Variants in CSMD1 observed in about 807,000 individuals in gnomAD.
CSMD1 encodes the protein CUB and Sushi multiple domains 1.
A neutral mutation model predicts 417.5 loss-of-function variants in CSMD1; 213 were observed. The ratio of observed to expected loss-of-function variants is 0.51; its 90% confidence interval spans 0.46 to 0.57. CSMD1 has a LOEUF of 0.57. CSMD1 is among the 20% of genes least tolerant of loss of function. CSMD1 has a pLI of 0.00. For synonymous variants in CSMD1, 2,862 were observed against 1,736.8 expected (o/e 1.65, Z -16.11); for missense variants, 6,923 against 4,529.7 (o/e 1.53, Z -15.17).
chr8:4,392,387 C>G (rs1803905173), intron 3 of CSMD1, among the ~76,000 whole-genome samples: 2 of 151,988 alleles, frequency 1.3e-5, no homozygotes, highest in Admixed American at 6.6e-5. Flanking sequence ...AGATTAAAAT[C>G]AGAGACACAA....
chr8:3,439,153 C>CAAAAAAAAAAAAAAAAAA (rs1563390140), intron 12 of CSMD1, among the ~76,000 whole-genome samples: 1 of 39,894 alleles, frequency 2.5e-5, no homozygotes, highest in Non-Finnish European at 4.2e-5. Context: ...AAAAAAAAAA[C>CAAAAAAAAAAAAAAAAAA]CAAGAAAAAA....
intron 5 of CSMD1, among the ~76,000 whole-genome samples, chr8:3,920,542 ACTTGT>A (rs1024314974): frequency 2.6e-5 from 4 of 152,096 alleles, no homozygotes; most frequent in African/African-American, 9.7e-5. Flanking sequence ...CGAGTAGGCA[ACTTGT>A]CTTGTTCTTA....
In CSMD1 at chr8:2,949,685, C is replaced by A. The variant is rs568103775; in HGVS notation, c.10315-299G>T. 5.8e-5 allele frequency among the ~76,000 whole-genome samples: 7 copies of A among 121,036 alleles called. No individual in the cohort carries two copies. The South Asian group carries it at 2.0e-3, about 34-fold the overall frequency. The allele number at this position is 121,036 out of a possible 152,430, so 79.4% of individuals were successfully genotyped here. On this transcript the variant is annotated intron_variant, in intron 67 of 69. Coordinates refer to ENST00000635120, the MANE Select transcript of CSMD1 (RefSeq NM_033225.6). The stretch of plus-strand genomic sequence containing the variant: ...ACTGCACTTTCTAAGGGAACACAAA[C>A]GTATGAATTAAGAAATAATCTACAT...
At chr8:3,926,082 T>A (rs868764612) in intron 5 of CSMD1, among the ~76,000 whole-genome samples, 6 of 103,996 alleles carry the variant, frequency 5.8e-5, no homozygotes, top group East Asian at 4.7e-4. Flanking sequence ...ACAAACACCA[T>A]ACACACACAC....
chr8:3,992,108 A>G (rs1212848486), intron 5 of CSMD1, among the ~76,000 whole-genome samples: 1 of 146,084 alleles, frequency 6.8e-6, no homozygotes, highest in African/African-American at 2.4e-5. Context: ...CAAGAAAAGG[A>G]GAAATGTGTA....
intron 3 of CSMD1, among the ~76,000 whole-genome samples, chr8:4,128,101 T>A (rs904253893): frequency 6.6e-6 from 1 of 152,170 alleles, no homozygotes; most frequent in Admixed American, 6.5e-5. Flanking sequence ...AGTCTTCACA[T>A]GCATCTGGCA....
At chr8:4,846,753 A>T (rs1377951804) in intron 1 of CSMD1, among the ~76,000 whole-genome samples, 1 of 152,232 alleles carries the variant, frequency 6.6e-6, no homozygotes, top group African/African-American at 2.4e-5. Flanking sequence ...TTCCCAGGTC[A>T]AGGGTATCTT....
chr8:3,926,637 T>C (rs1265070988), intron 5 of CSMD1, among the ~76,000 whole-genome samples: 2 of 151,824 alleles, frequency 1.3e-5, no homozygotes, highest in Non-Finnish European at 2.9e-5. Context: ...AAGCATATTA[T>C]TAGAAACAAT....
At chr8:4,563,128 A>C (rs1477655100) in intron 2 of CSMD1, among the ~76,000 whole-genome samples, 1 of 152,162 alleles carries the variant, frequency 6.6e-6, no homozygotes, top group Non-Finnish European at 1.5e-5. Context: ...TGGGCCGGGC[A>C]CAGTGACTCA....
chr8:3,885,449 G>C (rs7815963), intron 5 of CSMD1, among the ~76,000 whole-genome samples: 42,773 of 152,036 alleles, frequency 0.28, 7,050 homozygotes, highest in South Asian at 0.46. Context: ...TTTGAAAAAA[G>C]CTGAAGTACA....
intron 1 of CSMD1, among the ~76,000 whole-genome samples, chr8:4,981,730 C>T (rs1287037972): frequency 6.6e-6 from 1 of 152,108 alleles, no homozygotes; most frequent in African/African-American, 2.4e-5. Flanking sequence ...ATGTCCGTGC[C>T]CTAGGGATCC....
chr8:4,256,530 G>T (rs1384127169), intron 3 of CSMD1, among the ~76,000 whole-genome samples: 1 of 152,142 alleles, frequency 6.6e-6, no homozygotes, highest in African/African-American at 2.4e-5. Context: ...TATAAACATG[G>T]CAATCAAATG....
chr8:4,825,867 T>G (rs559570513), intron 1 of CSMD1, among the ~76,000 whole-genome samples: 1 of 151,234 alleles, frequency 6.6e-6, no homozygotes, highest in Non-Finnish European at 1.5e-5. Context: ...GATACAATTG[T>G]CCAATAAGCA....
chr8:3,917,328 C>T (rs563891098), intron 5 of CSMD1, among the ~76,000 whole-genome samples: 1 of 152,076 alleles, frequency 6.6e-6, no homozygotes, highest in South Asian at 2.1e-4. Context: ...GGAGTGAATG[C>T]TAAGTTTTGC....
intron 3 of CSMD1, among the ~76,000 whole-genome samples, chr8:4,045,909 C>G (rs960133298): frequency 6.6e-6 from 1 of 151,896 alleles, no homozygotes; most frequent in East Asian, 1.9e-4. Context: ...TGAACACACA[C>G]AGGTATTACA....
chr8:4,493,343 G>C (rs1225952332), intron 2 of CSMD1, among the ~76,000 whole-genome samples: 1 of 152,040 alleles, frequency 6.6e-6, no homozygotes, highest in Non-Finnish European at 1.5e-5. Flanking sequence ...CTCTTAACTA[G>C]GCACCTAAAT....
At chr8:4,442,415 A>G (rs543208532) in intron 2 of CSMD1, among the ~76,000 whole-genome samples, 11 of 152,286 alleles carry the variant, frequency 7.2e-5, no homozygotes, top group Non-Finnish European at 1.6e-4. Flanking sequence ...TCCCCACTGT[A>G]TATATGAACA....
At chr8:3,138,825 A>C (rs1818265488) in intron 41 of CSMD1, among the ~76,000 whole-genome samples, 1 of 152,206 alleles carries the variant, frequency 6.6e-6, no homozygotes, top group Admixed American at 6.5e-5. Context: ...GCAGATCCTT[A>C]TAGATGTTGA....
At chr8:4,051,069 A>T (rs1436867635) in intron 3 of CSMD1, among the ~76,000 whole-genome samples, 1 of 152,066 alleles carries the variant, frequency 6.6e-6, no homozygotes, top group African/African-American at 2.4e-5. Context: ...TTTGTTTTGA[A>T]GCGCACTGCC....
Sources: allele counts gnomAD v4.1 joint callset (sites outside exome capture counted in the v4.1 genomes callset), GRCh38; gene constraint gnomAD v4.1.1; transcripts MANE v1.5; gene names NCBI Gene and HGNC (gene_info 2026-07-23, HGNC 2026-07-21).